IL1RN: variants seen among roughly 807,000 people sequenced by gnomAD.
IL1RN encodes the protein interleukin-1 receptor antagonist protein.
IL1RN carries 10 observed loss-of-function variants against 13.7 expected under a neutral mutation model. That is an observed-to-expected ratio of 0.73 (90% confidence interval 0.45 to 1.24). The LOEUF is 1.24. Ranked by LOEUF, IL1RN falls within the 50% of genes most tolerant of loss-of-function variation. The pLI is 0.00. For missense variants in IL1RN, 213 were observed against 222.1 expected, an observed-to-expected ratio of 0.96 and a Z score of 0.26; for synonymous variants, 102 against 82.7, an observed-to-expected ratio of 1.23 and a Z score of -1.27.
At chr2:113,103,933 A>G (rs1042752331), upstream of IL1RN, among the ~76,000 whole-genome samples, 19 of 152,088 alleles carry the variant, frequency 1.2e-4, no homozygotes, top group African/African-American at 4.6e-4. Flanking sequence ...TGTGTTGAGT[A>G]CCTACAAGGT....
At chr2:113,120,117 C>T in exon 2 of IL1RN, 5 of 1,612,484 alleles carry the variant, frequency 3.1e-6, no homozygotes, top group Non-Finnish European at 4.2e-6. Flanking sequence ...GAAGACAATG[C>T]TGACTCAAAG....
At chr2:113,103,050 A>G (rs1686338802), upstream of IL1RN, among the ~76,000 whole-genome samples, 1 of 152,210 alleles carries the variant, frequency 6.6e-6, no homozygotes, top group South Asian at 2.1e-4. Flanking sequence ...TGATCGGACA[A>G]TACTTTCTTG....
upstream of IL1RN, chr2:113,115,677 T>C (rs1422777100): frequency 6.6e-6 from 1 of 152,250 alleles, no homozygotes; most frequent in African/African-American, 2.4e-5. Flanking sequence ...CTCTGGGATG[T>C]TGGGCTCCAG....
At chr2:113,122,394 C>T (rs922254897) in intron 2 of IL1RN, among the ~76,000 whole-genome samples, 2 of 152,182 alleles carry the variant, frequency 1.3e-5, no homozygotes, top group Non-Finnish European at 2.9e-5. Context: ...CTGAATCTCC[C>T]TGCCTCTCTG....
chr2:113,109,290 T>C (rs1212760853), upstream of IL1RN, among the ~76,000 whole-genome samples: 2 of 151,924 alleles, frequency 1.3e-5, no homozygotes, highest in African/African-American at 2.4e-5. Flanking sequence ...TGCATGCCTG[T>C]AATCCCAGCT....
At chr2:113,103,014 C>T (rs1303745306), upstream of IL1RN, among the ~76,000 whole-genome samples, 1 of 152,228 alleles carries the variant, frequency 6.6e-6, no homozygotes, top group Non-Finnish European at 1.5e-5. Flanking sequence ...ACCTGACATC[C>T]CATGCCCACG....
At chr2:113,110,322 C>A (rs1248753572), upstream of IL1RN, among the ~76,000 whole-genome samples, 1 of 152,162 alleles carries the variant, frequency 6.6e-6, no homozygotes, top group Non-Finnish European at 1.5e-5. Context: ...GCCCCTTGTT[C>A]CTCACAGAAG....
At chr2:113,128,173 C>G (rs1162290604) in intron 1 of IL1RN, among the ~76,000 whole-genome samples, 1 of 152,250 alleles carries the variant, frequency 6.6e-6, no homozygotes, top group Non-Finnish European at 1.5e-5. Context: ...TCTGTGACAT[C>G]TGTGACATGA....
upstream of IL1RN, among the ~76,000 whole-genome samples, chr2:113,110,077 T>A (rs1191655779): frequency 6.6e-6 from 1 of 152,164 alleles, no homozygotes; most frequent in Non-Finnish European, 1.5e-5. Flanking sequence ...CAAAACGTGT[T>A]TAGATAGATC....
upstream of IL1RN, among the ~76,000 whole-genome samples, chr2:113,110,327 C>A (rs562607844): frequency 6.6e-6 from 1 of 152,310 alleles, no homozygotes; most frequent in Non-Finnish European, 1.5e-5. Flanking sequence ...TTGTTCCTCA[C>A]AGAAGCTTTT....
intron 3 of IL1RN, 30 bp downstream of exon 3, chr2:113,131,187 C>T (rs369802388): frequency 2.1e-6 from 3 of 1,445,974 alleles, no homozygotes; most frequent in Non-Finnish European, 2.9e-6. Flanking sequence ...CTCAAATCAC[C>T]CCAAAACCCA....
At chr2:113,102,092 G>A in the IL1RN span, among the ~76,000 whole-genome samples, 3 of 152,118 alleles carry the variant, frequency 2.0e-5, no homozygotes, top group Non-Finnish European at 4.4e-5. Context: ...TAAGGAGATT[G>A]TCTTAGTCAC....
chr2:113,107,595 T>C (rs1573271860), upstream of IL1RN, among the ~76,000 whole-genome samples: 1 of 148,658 alleles, frequency 6.7e-6, no homozygotes, highest in Admixed American at 6.7e-5. Flanking sequence ...TAGCCATGTG[T>C]GGTGGTGTGC....
chr2:113,115,663 C>G (rs1426069224), upstream of IL1RN: 1 of 152,310 alleles, frequency 6.6e-6, no homozygotes, highest in Non-Finnish European at 1.5e-5. Flanking sequence ...CCAGCGTTCT[C>G]CATCTCTGGG....
chr2:113,120,051 C>T, intron 1 of IL1RN: 2 of 1,609,996 alleles, frequency 1.2e-6, no homozygotes, highest in Middle Eastern at 1.7e-4. Flanking sequence ...TGGGGTCCCA[C>T]CACTTCCCTT....
intron 2 of IL1RN, among the ~76,000 whole-genome samples, chr2:113,121,125 C>A (rs1686768103): frequency 8.3e-6 from 1 of 120,734 alleles, no homozygotes; most frequent in Non-Finnish European, 2.0e-5. Context: ...TCCTCTTCCT[C>A]TTATTCTTCT....
At chr2:113,104,480 C>T (rs1366789937), upstream of IL1RN, among the ~76,000 whole-genome samples, 1 of 152,092 alleles carries the variant, frequency 6.6e-6, no homozygotes, top group East Asian at 1.9e-4. Flanking sequence ...TGGGCCTTCT[C>T]ATGGTGGGGG....
chr2:113,103,376 TG>T (rs34670885), upstream of IL1RN, among the ~76,000 whole-genome samples: 5,292 of 152,342 alleles, frequency 0.035, 211 homozygotes, highest in African/African-American at 0.093. Flanking sequence ...AAGACTCTCC[TG>T]GAGTATCCAG....
chr2:113,123,892 C>T (rs1456542946), upstream of IL1RN, among the ~76,000 whole-genome samples: 1 of 152,176 alleles, frequency 6.6e-6, no homozygotes, highest in African/African-American at 2.4e-5. Flanking sequence ...CTGAAAGATG[C>T]AATTAACCGA....
Sources: allele counts gnomAD v4.1 joint callset (sites outside exome capture counted in the v4.1 genomes callset), GRCh38; gene constraint gnomAD v4.1.1; transcripts MANE v1.5; gene names NCBI Gene and HGNC (gene_info 2026-07-23, HGNC 2026-07-21).